Variants in ARMC9 observed in about 807,000 individuals in gnomAD.
ARMC9 encodes the protein lisH domain-containing protein ARMC9.
ARMC9 carries 94 observed loss-of-function variants against 107.0 expected under a neutral mutation model. The observed-to-expected ratio is 0.88, with a 90% CI of 0.74 to 1.04. The LOEUF (loss-of-function observed/expected upper bound fraction) is 1.04. ARMC9 is among the 50% of genes least tolerant of loss of function. The probability of loss-of-function intolerance (pLI) is 0.00; values close to 1 mark genes in which losing one functional copy is unlikely to be tolerated. For missense variants in ARMC9, 942 were observed against 1,030.1 expected (o/e 0.91, Z 1.17); for synonymous variants, 380 against 396.9 (o/e 0.96, Z 0.51).
At chr2:231,272,705 G>A (rs1376989332) in intron 13 of ARMC9, among the ~76,000 whole-genome samples, 1 of 151,714 alleles carries the variant, frequency 6.6e-6, no homozygotes, top group Non-Finnish European at 1.5e-5. Flanking sequence ...TAATAGAGAC[G>A]GGGTTTCACC....
chr2:231,242,116 T>G (rs561292661), intron 9 of ARMC9, among the ~76,000 whole-genome samples: 1 of 152,198 alleles, frequency 6.6e-6, no homozygotes, highest in South Asian at 2.1e-4. Context: ...CAAGTAGGTG[T>G]GTTACTTATG....
chr2:231,355,526 C>T (rs1167947373), intron 21 of ARMC9, among the ~76,000 whole-genome samples: 2 of 152,112 alleles, frequency 1.3e-5, no homozygotes, highest in African/African-American at 2.4e-5. Flanking sequence ...CACCCAGGGT[C>T]GTAACACGTA....
intron 9 of ARMC9, among the ~76,000 whole-genome samples, chr2:231,252,858 T>A (rs1247738905): frequency 6.6e-6 from 1 of 151,134 alleles, no homozygotes; most frequent in Non-Finnish European, 1.5e-5. Flanking sequence ...CTGGCTGGTC[T>A]CAAACTCCTG....
At chr2:231,318,410 T>C (rs752508916) in intron 19 of ARMC9, among the ~76,000 whole-genome samples, 2 of 152,236 alleles carry the variant, frequency 1.3e-5, no homozygotes, top group Non-Finnish European at 2.9e-5. Context: ...TTTCCCACAC[T>C]GTTAGCTTCC....
chr2:231,276,558 C>G (rs1351725893), intron 14 of ARMC9, 78 bp from the exon 15 acceptor site: 4 of 1,585,588 alleles, frequency 2.5e-6, no homozygotes, highest in Non-Finnish European at 3.4e-6. Context: ...GCATGAGCCA[C>G]TGCTTCCAGC....
intron 9 of ARMC9, among the ~76,000 whole-genome samples, chr2:231,240,938 C>T (rs1028715775): frequency 6.6e-6 from 1 of 152,114 alleles, no homozygotes; most frequent in African/African-American, 2.4e-5. Context: ...TGGCTCACAC[C>T]TGTAATATTC....
chr2:231,375,829 T>G lies in ARMC9; in HGVS notation c.*4294T>G, dbSNP rs528258853. The stretch of plus-strand genomic sequence containing the variant: ...AAGGGGGACTAGAGAAATAGGAAAC[T>G]GGGGACAGAACCCGGGGGTGAGAAA... On this transcript the variant is annotated 3_prime_UTR_variant, in exon 25 of 25. Transcript: ENST00000611582. This position sits in a 1 kb window ranked among gnomAD's most constrained non-coding sequence, Gnocchi z 4.3. 4.5e-4 allele frequency among the ~76,000 whole-genome samples: 68 copies of G among 152,000 alleles called. No individual in the cohort carries two copies. Among genetic ancestry groups the G allele is most frequent in the Non-Finnish European group, 8.2e-4 (56 of 67,966 alleles).
At position 231,355,784 on chromosome 2, in the gene ARMC9, A is replaced by T; in HGVS notation, c.1995-14A>T. Reference sequence around the variant, plus strand: ...CTGGCTGTACTCACTGCCGTTTTTCATGTTTTTCTCCAGGGTGGAAGACCA... The same window carrying T: ...CTGGCTGTACTCACTGCCGTTTTTCTTGTTTTTCTCCAGGGTGGAAGACCA... On this transcript the variant is annotated splice_polypyrimidine_tract_variant and intron_variant, in intron 21 of 24. Coordinates refer to ENST00000611582, the MANE Select transcript of ARMC9 (RefSeq NM_001352754.2). 1 of 1,523,210 alleles carries T rather than the reference A, an allele frequency of 6.6e-7. No homozygotes were observed. Among genetic ancestry groups the T allele is most frequent in the Non-Finnish European group, 8.8e-7 (1 of 1,137,282 alleles). The allele number at this position is 1,523,210 out of a possible 1,614,324, so 94.4% of individuals were successfully genotyped here.
chr2:231,303,794 G>T (rs1015382064), intron 19 of ARMC9, among the ~76,000 whole-genome samples: 1 of 152,016 alleles, frequency 6.6e-6, no homozygotes, highest in Non-Finnish European at 1.5e-5. Flanking sequence ...AAAATTAGCC[G>T]GGTGTGATGG....
rs941595979 is a variant in ARMC9 at position 231,297,575 on chromosome 2, C to T, written c.1773+1322C>T. ...GTGTTCCTGTAAAACTATTTATGGACGCTAAAAATTTGAATTTCATACAAT... is the reference window on the plus strand; with the variant it reads ...GTGTTCCTGTAAAACTATTTATGGATGCTAAAAATTTGAATTTCATACAAT... On this transcript the variant is annotated intron_variant, in intron 19 of 24. Transcript: ENST00000611582. This position sits in a 1 kb window ranked among gnomAD's most constrained non-coding sequence, Gnocchi z 4.2. 3.3e-5 allele frequency among the ~76,000 whole-genome samples: 5 copies of T among 152,180 alleles called. No individual in the cohort carries two copies. Among genetic ancestry groups the T allele is most frequent in the African/African-American group, 9.6e-5 (4 of 41,500 alleles).
rs572617748 is a variant in ARMC9 at position 231,228,481 on chromosome 2, G to A, written c.622+1683G>A. On this transcript the variant is annotated intron_variant, in intron 7 of 24. Transcript: ENST00000611582. ...ACGAGAACACCTGCGTGGCCTTGTG[G>A]TCTGGGCTTCCTCCAGGCATGTTGC... Among the ~76,000 whole-genome samples, 16 of 152,316 alleles carry A rather than the reference G, an allele frequency of 1.1e-4. No homozygotes were observed. In the South Asian group the frequency reaches 3.3e-3, roughly 32 times the overall value.
chr2:231,216,613 A>G, intron 4 of ARMC9, 25 bp from the exon 5 acceptor site: 1 of 1,609,360 alleles, frequency 6.2e-7, no homozygotes, highest in Non-Finnish European at 8.5e-7. Flanking sequence ...TGGAGACCTC[A>G]AACAAGTGTT....
chr2:231,361,737 A>G (rs1459636734), intron 23 of ARMC9, among the ~76,000 whole-genome samples: 1 of 152,154 alleles, frequency 6.6e-6, no homozygotes, highest in Non-Finnish European at 1.5e-5. Context: ...CTGGCCATGA[A>G]GGAAGCCAAC....
chr2:231,288,299 A>G (rs974766068), intron 17 of ARMC9, among the ~76,000 whole-genome samples: 2 of 152,162 alleles, frequency 1.3e-5, no homozygotes, highest in Non-Finnish European at 2.9e-5. Flanking sequence ...ATGTACATAA[A>G]AGGAAGGAAA....
At position 231,217,372 on chromosome 2, in the gene ARMC9, C is replaced by T. The variant is rs371865945; in HGVS notation, c.504+579C>T. Among the ~76,000 whole-genome samples the T allele has an allele frequency of 6.0e-4, 91 of 152,208 alleles. 1 individual carries two copies. The highest frequency in any genetic ancestry group is 2.0e-3 in the African/African-American group (85 of 41,528). ...GCCGAGGTGGGTGCATCACTTGAGGCCAGGAGTTTGAGACCAGCCTGGCCA... is the reference window on the plus strand; with the variant it reads ...GCCGAGGTGGGTGCATCACTTGAGGTCAGGAGTTTGAGACCAGCCTGGCCA... On this transcript the variant is annotated intron_variant, in intron 5 of 24. Coordinates refer to ENST00000611582, the MANE Select transcript of ARMC9 (RefSeq NM_001352754.2).
chr2:231,256,965 G>A (rs138303509), intron 10 of ARMC9, among the ~76,000 whole-genome samples: 4 of 152,180 alleles, frequency 2.6e-5, no homozygotes, highest in East Asian at 1.9e-4. Context: ...ACAGGCATAC[G>A]CCACCACGCC....
intron 5 of ARMC9, among the ~76,000 whole-genome samples, chr2:231,222,031 T>C (rs2034192461): frequency 6.6e-6 from 1 of 152,044 alleles, no homozygotes; most frequent in African/African-American, 2.4e-5. Flanking sequence ...GTATGAATTT[T>C]TAGTGGCTTC....
chr2:231,210,633 GCTT>G (rs1048458900), intron 3 of ARMC9, among the ~76,000 whole-genome samples: 1 of 152,232 alleles, frequency 6.6e-6, no homozygotes, highest in Non-Finnish European at 1.5e-5. Flanking sequence ...GTGCCTTGAA[GCTT>G]CTTTGCATAT....
chr2:231,256,156 G>A (rs2125403308), intron 9 of ARMC9: 1 of 1,539,624 alleles, frequency 6.5e-7, no homozygotes, highest in Admixed American at 2.0e-5. Context: ...TCCTGGGCAG[G>A]ACCGGCTCTC....
Sources: allele counts gnomAD v4.1 joint callset (sites outside exome capture counted in the v4.1 genomes callset), GRCh38; gene constraint gnomAD v4.1.1; non-coding constraint Gnocchi (gnomAD v3.1); transcripts MANE v1.5; gene names NCBI Gene and HGNC (gene_info 2026-07-23, HGNC 2026-07-21).